CCDC91: variants seen among roughly 807,000 people sequenced by gnomAD.
CCDC91 encodes the protein coiled-coil domain containing 91, also known as coiled-coil domain-containing protein 91.
Under a neutral mutation model 63.2 loss-of-function variants are expected in CCDC91, and 48 were observed. The ratio of observed to expected loss-of-function variants is 0.76; its 90% CI spans 0.60 to 0.97. CCDC91 has a LOEUF of 0.97. Ranked by LOEUF, CCDC91 falls within the 50% of genes least tolerant of loss-of-function variation. The pLI is 0.00. For synonymous variants in CCDC91, 167 were observed against 165.8 expected (o/e 1.01, Z -0.06); for missense variants, 500 against 494.6 (o/e 1.01, Z -0.10).
intron 1 of CCDC91, among the ~76,000 whole-genome samples, chr12:28,230,781 G>C (rs1944539202): frequency 6.6e-6 from 1 of 151,870 alleles, no homozygotes; most frequent in Non-Finnish European, 1.5e-5. Flanking sequence ...GTACTACCAG[G>C]CCCAGCTACA....
chr12:28,494,017 T>C (rs1952152164), intron 12 of CCDC91, among the ~76,000 whole-genome samples: 1 of 151,738 alleles, frequency 6.6e-6, no homozygotes, highest in Non-Finnish European at 1.5e-5. Flanking sequence ...ACATTTGTTT[T>C]TTCACAGCCA....
chr12:28,360,844 C>T (rs1259537378), intron 6 of CCDC91, among the ~76,000 whole-genome samples: 3 of 151,902 alleles, frequency 2.0e-5, no homozygotes, highest in African/African-American at 7.2e-5. Flanking sequence ...TCTTAAAATT[C>T]ACCTATTAAG....
chr12:28,289,692 T>TTC (rs1555175711), intron 3 of CCDC91, among the ~76,000 whole-genome samples: 1 of 85,622 alleles, frequency 1.2e-5, no homozygotes, highest in Admixed American at 1.1e-4. Flanking sequence ...TTTCTTTTTT[T>TTC]TTTTTTTTTT....
At chr12:28,255,764 C>A (rs758095587) in intron 1 of CCDC91, 1 of 152,030 alleles carries the variant, frequency 6.6e-6, no homozygotes, top group Non-Finnish European at 1.5e-5. Flanking sequence ...AGTGTCATTA[C>A]CTACTGAGTT....
intron 1 of CCDC91, among the ~76,000 whole-genome samples, chr12:28,193,573 A>C (rs11049426): frequency 0.28 from 41,575 of 151,174 alleles, 5,934 homozygotes; most frequent in Non-Finnish European, 0.31. Flanking sequence ...TGCACTCCAG[A>C]CTGGTGACAG....
chr12:28,531,669 AT>A (rs1941742591), intron 12 of CCDC91, among the ~76,000 whole-genome samples: 1 of 152,200 alleles, frequency 6.6e-6, no homozygotes, highest in Admixed American at 6.6e-5. Context: ...AATTTTGAAA[AT>A]ACCTTTAGTT....
In CCDC91 at chr12:28,411,751, T is replaced by G. The variant is rs984793010; in HGVS notation, c.762+20340T>G. On this transcript the variant is annotated intron_variant, in intron 8 of 12. Transcript: ENST00000536442. The stretch of plus-strand genomic sequence containing the variant: ...ACCTAGTGACATTGTATAAATGTCA[T>G]AAATGTCACAGTGCAGTACATTACT... Among the ~76,000 whole-genome samples, 35 of 152,286 alleles carry G rather than the reference T, an allele frequency of 2.3e-4. 1 individual carries two copies. Among genetic ancestry groups the G allele is most frequent in the African/African-American group, 8.2e-4 (34 of 41,558 alleles).
intron 1 of CCDC91, among the ~76,000 whole-genome samples, chr12:28,210,012 T>G (rs1943120745): frequency 6.6e-6 from 1 of 152,234 alleles, no homozygotes; most frequent in Non-Finnish European, 1.5e-5. Context: ...ATCTACAACA[T>G]GCTTGTACTT....
chr12:28,326,691 GACA>G (rs1941039894), intron 6 of CCDC91, among the ~76,000 whole-genome samples: 1 of 151,424 alleles, frequency 6.6e-6, no homozygotes, highest in Non-Finnish European at 1.5e-5. Flanking sequence ...TATTTTCTGA[GACA>G]ACGTTAAATC....
chr12:28,426,935 A>G (rs1948351392), intron 8 of CCDC91, among the ~76,000 whole-genome samples: 1 of 152,172 alleles, frequency 6.6e-6, no homozygotes, highest in Admixed American at 6.5e-5. Context: ...AAATTTGGCT[A>G]AGAAGTAGGC....
Position 28,455,674 on chromosome 12 carries a change from GT to G in CCDC91, c.1101+3031del, listed in dbSNP as rs910264138. ...AGTTTAGCTAAAAAGGTATTTTTAT[GT>G]TTTTTTTTTTCTTTGTAGCTTTGCC... On this transcript the variant is annotated intron_variant, in intron 11 of 12. Coordinates refer to ENST00000536442, the MANE Select transcript of CCDC91 (RefSeq NM_018318.5). 2.3e-3 allele frequency among the ~76,000 whole-genome samples: 332 copies of G among 147,204 alleles called. 2 individuals carry two copies. Among genetic ancestry groups the G allele is most frequent in the East Asian group, 8.3e-3 (42 of 5,068 alleles).
chr12:28,475,821 A>G (rs1951054562), intron 11 of CCDC91, among the ~76,000 whole-genome samples: 1 of 151,948 alleles, frequency 6.6e-6, no homozygotes, highest in Non-Finnish European at 1.5e-5. Context: ...CCATGAATCA[A>G]TTTTCTATAT....
At chr12:28,542,431 T>C (rs971763359) in intron 12 of CCDC91, among the ~76,000 whole-genome samples, 2 of 152,058 alleles carry the variant, frequency 1.3e-5, no homozygotes, top group South Asian at 2.1e-4. Flanking sequence ...TTTTGAACTA[T>C]CTAAATAGAT....
chr12:28,491,210 C>CTA (rs953168650), intron 12 of CCDC91, among the ~76,000 whole-genome samples: 24 of 151,408 alleles, frequency 1.6e-4, no homozygotes, highest in Non-Finnish European at 3.0e-4. Context: ...AATTGTTCAT[C>CTA]TAAGTAATCA....
At chr12:28,445,099 A>AGT (rs1386702040) in intron 8 of CCDC91, among the ~76,000 whole-genome samples, 1 of 152,184 alleles carries the variant, frequency 6.6e-6, no homozygotes, top group Non-Finnish European at 1.5e-5. Context: ...TTTTCAAAGG[A>AGT]GTGCTATCTA....
chr12:28,497,092 G>A (rs1952342736), intron 12 of CCDC91, among the ~76,000 whole-genome samples: 1 of 150,782 alleles, frequency 6.6e-6, no homozygotes, highest in Non-Finnish European at 1.5e-5. Context: ...TGGCCACCAA[G>A]TTTACTAAAA....
At chr12:28,514,289 G>A (rs1820747633) in intron 12 of CCDC91, among the ~76,000 whole-genome samples, 1 of 151,776 alleles carries the variant, frequency 6.6e-6, no homozygotes, top group Non-Finnish European at 1.5e-5. Flanking sequence ...AATGTTCTTT[G>A]CACATTTTTT....
intron 12 of CCDC91, among the ~76,000 whole-genome samples, chr12:28,520,957 C>A (rs1375796833): frequency 6.6e-6 from 1 of 152,112 alleles, no homozygotes; most frequent in South Asian, 2.1e-4. Flanking sequence ...CAGTACCATG[C>A]TGTTTTGGTT....
chr12:28,538,041 T>C (rs566163873), intron 12 of CCDC91, among the ~76,000 whole-genome samples: 1 of 152,024 alleles, frequency 6.6e-6, no homozygotes, highest in Non-Finnish European at 1.5e-5. Context: ...TTGATAGGTG[T>C]TTAGTGTTCT....
Sources: allele counts gnomAD v4.1 joint callset (sites outside exome capture counted in the v4.1 genomes callset), GRCh38; gene constraint gnomAD v4.1.1; transcripts MANE v1.5; gene names NCBI Gene and HGNC (gene_info 2026-07-23, HGNC 2026-07-21).